The following SUMF1 variants were observed in gnomAD, a reference collection of about 807,000 sequenced individuals.
SUMF1 encodes formylglycine-generating enzyme.
Under a neutral mutation model 47.6 loss-of-function variants are expected in SUMF1, and 48 were observed. The ratio of observed to expected loss-of-function variants is 1.01; its 90% CI spans 0.80 to 1.28. The LOEUF (loss-of-function observed/expected upper bound fraction) is 1.28, where lower values mean the gene tolerates loss of function less well. Ranked by LOEUF, SUMF1 falls within the 50% of genes most tolerant of loss-of-function variation. The pLI, the probability that SUMF1 is intolerant of heterozygous loss-of-function variation, is 0.00. For synonymous variants in SUMF1, 230 were observed against 192.1 expected (o/e 1.20, Z -1.63); for missense variants, 571 against 485.4 (o/e 1.18, Z -1.66).
At chr3:4,126,827 A>G (rs1024741243) in intron 8 of SUMF1, among the ~76,000 whole-genome samples, 7 of 152,210 alleles carry the variant, frequency 4.6e-5, no homozygotes, top group Non-Finnish European at 8.8e-5. Flanking sequence ...GTCACTATCA[A>G]GAGTAACTCA....
At chr3:4,053,757 C>T (rs553288482) in intron 9 of SUMF1, among the ~76,000 whole-genome samples, 1 of 152,190 alleles carries the variant, frequency 6.6e-6, no homozygotes, top group South Asian at 2.1e-4. Flanking sequence ...AGAGAACAAA[C>T]AATTCCCAAG....
intron 8 of SUMF1, among the ~76,000 whole-genome samples, chr3:4,298,435 A>C (rs1032482068): frequency 6.6e-6 from 1 of 152,222 alleles, no homozygotes; most frequent in Non-Finnish European, 1.5e-5. Flanking sequence ...AATTAAACCA[A>C]AGGGCCAGCA....
At chr3:4,284,556 G>C (rs1189628830) in intron 8 of SUMF1, among the ~76,000 whole-genome samples, 1 of 151,656 alleles carries the variant, frequency 6.6e-6, no homozygotes, top group Non-Finnish European at 1.5e-5. Flanking sequence ...CTGGCATCAA[G>C]TCTGCATTTC....
chr3:4,177,408 T>C (rs1012778555), intron 8 of SUMF1, among the ~76,000 whole-genome samples: 1 of 152,054 alleles, frequency 6.6e-6, no homozygotes, highest in Non-Finnish European at 1.5e-5. Context: ...CACAACTACA[T>C]GGAAATTGAA....
intron 8 of SUMF1, among the ~76,000 whole-genome samples, chr3:4,344,570 A>G (rs1699336028): frequency 6.6e-6 from 1 of 152,208 alleles, no homozygotes. Context: ...AAACTCACGA[A>G]GATGAGAATC....
At chr3:4,104,745 T>G (rs1260504470) in intron 8 of SUMF1, among the ~76,000 whole-genome samples, 1 of 151,940 alleles carries the variant, frequency 6.6e-6, no homozygotes, top group Non-Finnish European at 1.5e-5. Flanking sequence ...ATGTAATAAT[T>G]TTTTTCCTTT....
intron 7 of SUMF1, among the ~76,000 whole-genome samples, chr3:4,393,102 C>A (rs935953147): frequency 6.6e-6 from 1 of 152,162 alleles, no homozygotes; most frequent in Non-Finnish European, 1.5e-5. Context: ...CCTTTAATGT[C>A]TCTGTTACTT....
In SUMF1 at chr3:4,096,955, G is replaced by A. The variant is rs371821282; in HGVS notation, c.1015-28210C>T. ...TAGGAGGAATTTGATTCCTGGCAAC[G>A]AAATGAAAAAAGTAACATAGCATGG... On this transcript the variant is annotated intron_variant and NMD_transcript_variant, in intron 8 of 12. Coordinates refer to the SUMF1 transcript ENST00000448413. Among the ~76,000 whole-genome samples, 18 of 152,068 alleles carry A rather than the reference G, an allele frequency of 1.2e-4. 4 individuals carry two copies. The highest frequency in any genetic ancestry group is 6.5e-5 in the Admixed American group (1 of 15,282).
At chr3:4,107,053 T>TCAA (rs1693175232) in intron 8 of SUMF1, among the ~76,000 whole-genome samples, 1 of 152,104 alleles carries the variant, frequency 6.6e-6, no homozygotes, top group African/African-American at 2.4e-5. Context: ...TGTTACCTCT[T>TCAA]CAACTTCATT....
chr3:4,154,511 G>T (rs375229746), intron 8 of SUMF1, among the ~76,000 whole-genome samples: 1 of 151,490 alleles, frequency 6.6e-6, no homozygotes, highest in Non-Finnish European at 1.5e-5. Flanking sequence ...ACAAGCTGGG[G>T]ACTATTATCT....
rs6773414 is a variant in SUMF1 at position 4,351,791 on chromosome 3, C to G, written c.1014+24539G>C. ...ATTGAGAATAATTTCTGCAGTGTGA[C>G]TAAGCATCAACCCTTCAAGTTTGGA... On this transcript the variant is annotated intron_variant and NMD_transcript_variant, in intron 8 of 12. Transcript: ENST00000448413. 6.4e-3 allele frequency among the ~76,000 whole-genome samples: 981 copies of G among 152,320 alleles called. 7 individuals are homozygous for G. The highest frequency in any genetic ancestry group is 0.022 in the African/African-American group (934 of 41,570).
At chr3:4,105,267 C>T (rs999629169) in intron 8 of SUMF1, among the ~76,000 whole-genome samples, 1 of 152,052 alleles carries the variant, frequency 6.6e-6, no homozygotes, top group Non-Finnish European at 1.5e-5. Flanking sequence ...GTCAAATGCA[C>T]AGAGTTTTAG....
intron 8 of SUMF1, among the ~76,000 whole-genome samples, chr3:4,172,189 T>C (rs1694846252): frequency 6.6e-6 from 1 of 152,156 alleles, no homozygotes; most frequent in African/African-American, 2.4e-5. Flanking sequence ...TAGCAATACA[T>C]AGAAGTTGAT....
chr3:4,165,753 G>A (rs1001258856), intron 8 of SUMF1, among the ~76,000 whole-genome samples: 8 of 151,872 alleles, frequency 5.3e-5, no homozygotes, highest in African/African-American at 1.7e-4. Context: ...CAAAGTTTGT[G>A]GGTCAAATTG....
At chr3:4,047,419 T>C (rs1695025336) in intron 9 of SUMF1, among the ~76,000 whole-genome samples, 1 of 152,160 alleles carries the variant, frequency 6.6e-6, no homozygotes, top group South Asian at 2.1e-4. Flanking sequence ...GACTTGGGAT[T>C]CGGTGCTTAC....
At chr3:4,340,675 G>A (rs1316972653) in intron 8 of SUMF1, among the ~76,000 whole-genome samples, 1 of 152,118 alleles carries the variant, frequency 6.6e-6, no homozygotes, top group East Asian at 1.9e-4. Context: ...GAGATTCAAG[G>A]GATATTTAAG....
At chr3:4,173,425 G>T (rs572595581) in intron 8 of SUMF1, among the ~76,000 whole-genome samples, 4 of 152,298 alleles carry the variant, frequency 2.6e-5, no homozygotes, top group African/African-American at 9.6e-5. Context: ...CTTTTACACT[G>T]TGGGTGGGAG....
At chr3:4,391,032 T>C (rs1341393152) in intron 7 of SUMF1, among the ~76,000 whole-genome samples, 3 of 152,200 alleles carry the variant, frequency 2.0e-5, no homozygotes, top group Non-Finnish European at 4.4e-5. Context: ...CTCCTGGATA[T>C]AGAATTCTTA....
At chr3:4,351,375 G>A (rs1460087014) in intron 8 of SUMF1, among the ~76,000 whole-genome samples, 1 of 152,164 alleles carries the variant, frequency 6.6e-6, no homozygotes, top group Non-Finnish European at 1.5e-5. Context: ...AGAAACTTTA[G>A]CCTCGTTTTA....
Sources: gnomAD v4.1 joint callset for allele counts (sites outside exome capture counted in the v4.1 genomes callset) on GRCh38, gnomAD v4.1.1 for gene constraint, MANE v1.5 for transcripts, NCBI Gene and HGNC (gene_info 2026-07-23, HGNC 2026-07-21) for gene names.